Variants in OPCML observed in about 807,000 individuals in gnomAD.
The protein encoded by OPCML is opioid binding protein/cell adhesion molecule like.
In OPCML, 13 loss-of-function variants were observed where a neutral mutation model predicts 37.8. That is an observed-to-expected ratio of 0.34 (90% CI 0.22 to 0.55). OPCML has a LOEUF of 0.55. Among genes scored for constraint, OPCML ranks in the 20% least tolerant of loss-of-function variants. OPCML has a pLI of 0.91. For synonymous variants in OPCML, 176 were observed against 168.8 expected (o/e 1.04, Z -0.33); for missense variants, 341 against 435.6 (o/e 0.78, Z 1.93).
chr11:133,249,202 C>G (rs976299318), intron 1 of OPCML, among the ~76,000 whole-genome samples: 11 of 152,094 alleles, frequency 7.2e-5, no homozygotes, highest in Non-Finnish European at 1.6e-4. Context: ...ACTAGGAGCA[C>G]AGGGCCAGCA....
chr11:132,684,919 G>A (rs1943104720), intron 2 of OPCML, among the ~76,000 whole-genome samples: 1 of 152,162 alleles, frequency 6.6e-6, no homozygotes, highest in Non-Finnish European at 1.5e-5. Context: ...TATTGGTACA[G>A]CTATTAGATA....
At chr11:132,556,754 T>C (rs2096396549) in intron 3 of OPCML, among the ~76,000 whole-genome samples, 1 of 152,210 alleles carries the variant, frequency 6.6e-6, no homozygotes, top group Non-Finnish European at 1.5e-5. Flanking sequence ...CTCTGCTATA[T>C]GATGGCTGTT....
At chr11:133,093,332 G>C (rs1948943639) in intron 1 of OPCML, among the ~76,000 whole-genome samples, 1 of 149,814 alleles carries the variant, frequency 6.7e-6, no homozygotes, top group Non-Finnish European at 1.5e-5. Context: ...ACGGATACAT[G>C]TGCAGAATGT....
At chr11:133,156,735 G>A (rs565526295) in intron 1 of OPCML, among the ~76,000 whole-genome samples, 2 of 152,140 alleles carry the variant, frequency 1.3e-5, no homozygotes, top group Admixed American at 1.3e-4. Flanking sequence ...GGTGTCCCTT[G>A]GGTAAATGTC....
intron 2 of OPCML, among the ~76,000 whole-genome samples, chr11:132,751,693 G>C (rs576372743): frequency 7.9e-5 from 12 of 152,314 alleles, no homozygotes; most frequent in African/African-American, 2.6e-4. Context: ...GAGCTATTGA[G>C]TGGCAGAACT....
intron 1 of OPCML, among the ~76,000 whole-genome samples, chr11:133,163,803 G>A (rs2137224318): frequency 6.6e-6 from 1 of 152,314 alleles, no homozygotes; most frequent in Admixed American, 6.5e-5. Context: ...AATAGCAGCT[G>A]CGGTTCAAAT....
chr11:132,649,146 CTG>C (rs556197515), intron 3 of OPCML, among the ~76,000 whole-genome samples: 393 of 152,136 alleles, frequency 2.6e-3, no homozygotes, highest in African/African-American at 9.0e-3. Context: ...GTGAGTATGT[CTG>C]TGAGTGTGTG....
chr11:132,962,308 C>A (rs563865907), intron 1 of OPCML, among the ~76,000 whole-genome samples: 12 of 152,280 alleles, frequency 7.9e-5, no homozygotes, highest in African/African-American at 2.9e-4. Flanking sequence ...CAATCCCGGC[C>A]CGGGCTCTCT....
At chr11:133,344,255 C>T (rs1052476946) in intron 1 of OPCML, among the ~76,000 whole-genome samples, 1 of 152,238 alleles carries the variant, frequency 6.6e-6, no homozygotes, top group Non-Finnish European at 1.5e-5. Flanking sequence ...AGCTGAGTCA[C>T]TGTTGAATAA....
At chr11:132,478,435 G>A (rs1488282054) in intron 4 of OPCML, among the ~76,000 whole-genome samples, 5 of 152,116 alleles carry the variant, frequency 3.3e-5, no homozygotes, top group African/African-American at 7.2e-5. Context: ...ATGAAGAACA[G>A]GAAGACAAGT....
At chr11:133,106,881 C>T (rs1949167112) in intron 1 of OPCML, among the ~76,000 whole-genome samples, 2 of 152,356 alleles carry the variant, frequency 1.3e-5, no homozygotes, top group African/African-American at 4.8e-5. Flanking sequence ...TAGCCCCACT[C>T]AAGGTAAAAT....
chr11:133,389,934 A>C (rs1945132626), intron 1 of OPCML, among the ~76,000 whole-genome samples: 1 of 152,246 alleles, frequency 6.6e-6, no homozygotes, highest in Non-Finnish European at 1.5e-5. Flanking sequence ...CCCCCATGAA[A>C]GAAAGCTGAG....
intron 2 of OPCML, among the ~76,000 whole-genome samples, chr11:132,923,755 ATTTTTT>A (rs71038509): frequency 1.1e-3 from 100 of 92,104 alleles, no homozygotes; most frequent in African/African-American, 4.5e-3. Flanking sequence ...AGTTACTTGA[ATTTTTT>A]TTTTTTTTTT....
chr11:132,871,306 T>C (rs182023200), intron 2 of OPCML, among the ~76,000 whole-genome samples: 151 of 152,268 alleles, frequency 9.9e-4, no homozygotes, highest in Admixed American at 2.2e-3. Flanking sequence ...ATTTGATTCT[T>C]ACACATTGTA....
intron 1 of OPCML, among the ~76,000 whole-genome samples, chr11:133,195,351 T>A (rs1054855064): frequency 6.6e-6 from 1 of 152,202 alleles, no homozygotes; most frequent in African/African-American, 2.4e-5. Context: ...TGGAGGCCAT[T>A]GCTTAAGTAA....
Position 133,355,464 on chromosome 11 carries a change from A to G in OPCML, c.61+176800T>C, listed in dbSNP as rs1430882319. ...CCATGAACTAAATCTGTGACCACAA[A>G]TGAGAGTTACAGAAAAAGAGATTTG... On this transcript the variant is annotated intron_variant, in intron 1 of 7. Coordinates refer to ENST00000524381, the MANE Select transcript of OPCML (RefSeq NM_001012393.5). 2.0e-5 allele frequency among the ~76,000 whole-genome samples: 3 copies of G among 152,222 alleles called. No homozygotes were observed. In the East Asian group the frequency reaches 5.8e-4, roughly 29 times the overall value.
intron 2 of OPCML, among the ~76,000 whole-genome samples, chr11:132,700,934 C>A (rs1555176475): frequency 6.6e-6 from 1 of 152,144 alleles, no homozygotes; most frequent in Non-Finnish European, 1.5e-5. Context: ...TTTCATTCTG[C>A]TAATGTTTGC....
intron 1 of OPCML, among the ~76,000 whole-genome samples, chr11:133,258,979 G>A (rs1225760733): frequency 1.3e-5 from 2 of 152,134 alleles, no homozygotes; most frequent in Non-Finnish European, 2.9e-5. Flanking sequence ...CTCAAGGCCC[G>A]GGCAGAAGGA....
At chr11:132,911,907 C>G (rs1297810039) in intron 2 of OPCML, among the ~76,000 whole-genome samples, 1 of 152,184 alleles carries the variant, frequency 6.6e-6, no homozygotes, top group Non-Finnish European at 1.5e-5. Context: ...AGCTTAGATT[C>G]AGAATGCACA....
Sources: allele counts gnomAD v4.1 joint callset (sites outside exome capture counted in the v4.1 genomes callset), GRCh38; gene constraint gnomAD v4.1.1; transcripts MANE v1.5; gene names NCBI Gene and HGNC (gene_info 2026-07-23, HGNC 2026-07-21).